POLN: variants seen among roughly 807,000 people sequenced by gnomAD.
POLN encodes the protein DNA polymerase N.
In POLN, 108 loss-of-function variants were observed where a neutral mutation model predicts 113.5. The ratio of observed to expected loss-of-function variants is 0.95; its 90% CI spans 0.81 to 1.12. The LOEUF is 1.12. POLN is among the 50% of genes most tolerant of loss of function. POLN has a pLI of 0.00. For missense variants in POLN, 1,097 were observed against 1,077.1 expected, an observed-to-expected ratio of 1.02 and a Z score of -0.26; for synonymous variants, 386 against 391.5, an observed-to-expected ratio of 0.99 and a Z score of 0.17.
At chr4:2,216,303 T>G (rs1734111793) in intron 3 of POLN, among the ~76,000 whole-genome samples, 1 of 151,892 alleles carries the variant, frequency 6.6e-6, no homozygotes, top group South Asian at 2.1e-4. Flanking sequence ...CCCAGAGGAG[T>G]GTGAGGGAGA....
At chr4:2,241,877 C>G in intron 1 of POLN, 87 bp from the exon 2 acceptor site, 3 of 985,486 alleles carry the variant, frequency 3.0e-6, no homozygotes, top group Non-Finnish European at 3.6e-6. Flanking sequence ...ACAGCCCCCG[C>G]CCCAGCTCCT....
intron 13 of POLN, among the ~76,000 whole-genome samples, chr4:2,170,200 GCACT>G (rs1472613039): frequency 6.6e-6 from 1 of 152,136 alleles, no homozygotes; most frequent in Non-Finnish European, 1.5e-5. Flanking sequence ...TTCAGTAAAA[GCACT>G]CACTGTCTTC....
chr4:2,229,090 A>T lies in POLN; in HGVS notation c.133+9T>A. On this transcript the variant is annotated intron_variant, in intron 3 of 25. Coordinates refer to ENST00000511885, the MANE Select transcript of POLN (RefSeq NM_181808.4). The stretch of plus-strand genomic sequence containing the variant: ...TCAAGAGAAAGAAAGGTTCATAAAA[A>T]TTACTTACTCTCTGTACTCTTTCCC... 1 of 1,573,596 alleles carries T rather than the reference A, an allele frequency of 6.4e-7. No individual in the cohort carries two copies. Among genetic ancestry groups the T allele is most frequent in the Non-Finnish European group, 8.6e-7 (1 of 1,158,812 alleles).
In POLN at chr4:2,095,902, C is replaced by T. The variant is rs977718247; in HGVS notation, c.2014G>A (p.Ala672Thr). 6.2e-6 allele frequency: 10 copies of T among 1,614,044 alleles called. No homozygotes were observed. Among genetic ancestry groups the T allele is most frequent in the Middle Eastern group, 1.6e-4 (1 of 6,084 alleles). Residue 672 changes from alanine (A) to threonine (T), a missense_variant, in exon 20 of 26, where the codon GCA (alanine) becomes ACA (threonine). Transcript: ENST00000511885. The stretch of plus-strand genomic sequence containing the variant: ...ACCTTCTTGGTTTGCTCTCTGTCTG[C>T]GTGTGTCACCTGTTCCACGGGCACA... Reference protein sequence around the residue: ...KDVPVEQVTHADREQTKKVVY... With the variant: ...KDVPVEQVTHTDREQTKKVVY...
At chr4:2,098,820 C>T (rs1375225811) in intron 19 of POLN, among the ~76,000 whole-genome samples, 1 of 152,130 alleles carries the variant, frequency 6.6e-6, no homozygotes, top group African/African-American at 2.4e-5. Flanking sequence ...TGGCTGATTC[C>T]AGGACTGGGG....
intron 7 of POLN, among the ~76,000 whole-genome samples, chr4:2,191,673 T>C (rs993338489): frequency 4.6e-5 from 7 of 152,186 alleles, no homozygotes; most frequent in Admixed American, 2.0e-4. Context: ...GATTATTGGT[T>C]ATTTTGCTTG....
intron 2 of POLN, among the ~76,000 whole-genome samples, chr4:2,238,018 C>T (rs1020542640): frequency 2.6e-5 from 4 of 152,036 alleles, no homozygotes; most frequent in Non-Finnish European, 5.9e-5. Context: ...AATAAGAAAA[C>T]AAAAAGATTA....
intron 19 of POLN, among the ~76,000 whole-genome samples, chr4:2,100,743 G>C (rs1730902931): frequency 6.6e-6 from 1 of 152,178 alleles, no homozygotes; most frequent in Non-Finnish European, 1.5e-5. Flanking sequence ...AGTAAAAATA[G>C]ATAAATCAGG....
intron 23 of POLN, chr4:2,080,302 G>C (rs1276015205): frequency 1.0e-6 from 1 of 997,224 alleles, no homozygotes; most frequent in Admixed American, 6.0e-5. Context: ...ATGTGCCCTG[G>C]GGGAATAACT....
At chr4:2,174,296 G>A (rs755278275) in intron 10 of POLN, among the ~76,000 whole-genome samples, 12 of 152,254 alleles carry the variant, frequency 7.9e-5, no homozygotes, top group Non-Finnish European at 1.5e-4. Flanking sequence ...CCTGGCTGAC[G>A]TGGTGCCCAT....
chr4:2,240,843 T>C, intron 2 of POLN: 20 of 1,613,504 alleles, frequency 1.2e-5, no homozygotes, highest in Non-Finnish European at 1.6e-5. Context: ...CGATTCATCT[T>C]CAACGCCCTC....
At chr4:2,144,203 G>A (rs1732077938) in intron 16 of POLN, among the ~76,000 whole-genome samples, 1 of 143,958 alleles carries the variant, frequency 6.9e-6, no homozygotes, top group Admixed American at 7.0e-5. Flanking sequence ...GGAGTGCAGT[G>A]GCGTGAACTC....
At chr4:2,233,446 T>C (rs980501224) in intron 2 of POLN, among the ~76,000 whole-genome samples, 2 of 152,074 alleles carry the variant, frequency 1.3e-5, no homozygotes, top group Admixed American at 6.5e-5. Context: ...CATTTTTTTT[T>C]CACATTTTAA....
Position 2,208,222 on chromosome 4 carries a change from G to C in POLN, c.479C>G (p.Thr160Arg). The C allele has an allele frequency of 6.3e-7, 1 of 1,589,140 alleles. No individual in the cohort carries two copies. The highest frequency in any genetic ancestry group is 2.2e-5 in the East Asian group (1 of 44,676). ...GSINLKRKHITYNNLSEKTSK... is the reference protein window; with the variant it reads ...GSINLKRKHIRYNNLSEKTSK... ...TGTTTTCTCTGACAAATTATTATAT[G>C]TAATATGTTTTCTTTTAAGATTAAT... is the stretch of plus-strand genomic sequence containing the variant. Residue 160 changes from threonine to arginine, a missense_variant, in exon 5 of 26, where the codon ACA (threonine) becomes AGA (arginine). By Grantham distance (71) the Thr-to-Arg change is moderately conservative. Coordinates refer to ENST00000511885, the MANE Select transcript of POLN (RefSeq NM_181808.4).
chr4:2,217,337 G>A (rs1289763305), intron 3 of POLN, among the ~76,000 whole-genome samples: 1 of 152,196 alleles, frequency 6.6e-6, no homozygotes, highest in African/African-American at 2.4e-5. Flanking sequence ...CATGAACCAA[G>A]CTCTAACTTT....
intron 3 of POLN, among the ~76,000 whole-genome samples, chr4:2,226,775 T>G (rs1577787631): frequency 1.3e-5 from 2 of 152,352 alleles, no homozygotes; most frequent in East Asian, 3.8e-4. Context: ...TCCATTAATT[T>G]CTGAGTTGAA....
chr4:2,196,048 A>G (rs1353836130), intron 6 of POLN, among the ~76,000 whole-genome samples: 1 of 152,226 alleles, frequency 6.6e-6, no homozygotes, highest in Non-Finnish European at 1.5e-5. Context: ...ACCCAATTGC[A>G]TCACTAAGGG....
chr4:2,139,418 A>C (rs936534192), intron 16 of POLN, among the ~76,000 whole-genome samples: 5 of 152,240 alleles, frequency 3.3e-5, no homozygotes, highest in African/African-American at 1.2e-4. Context: ...AGTGGGTCAC[A>C]AACAGCACTT....
At chr4:2,101,885 G>T (rs1482659376) in intron 19 of POLN, among the ~76,000 whole-genome samples, 1 of 152,186 alleles carries the variant, frequency 6.6e-6, no homozygotes, top group Non-Finnish European at 1.5e-5. Flanking sequence ...CTTGAGCTGG[G>T]TAGGGGCTCT....
Sources: allele counts gnomAD v4.1 joint callset (sites outside exome capture counted in the v4.1 genomes callset), GRCh38; gene constraint gnomAD v4.1.1; transcripts MANE v1.5; gene names NCBI Gene and HGNC (gene_info 2026-07-23, HGNC 2026-07-21).